Variants in LRRC7 observed in about 807,000 individuals in gnomAD.
The protein encoded by LRRC7 is leucine-rich repeat-containing protein 7.
In LRRC7, 23 loss-of-function variants were observed where a neutral mutation model predicts 175.7. The ratio of observed to expected loss-of-function variants is 0.13; its 90% CI spans 0.09 to 0.19. The LOEUF is 0.19. LRRC7 is among the 10% of genes least tolerant of loss of function. The probability of loss-of-function intolerance (pLI) is 1.00; values close to 1 mark genes in which losing one functional copy is unlikely to be tolerated. For missense variants in LRRC7, 1,354 were observed against 1,904.7 expected, an observed-to-expected ratio of 0.71 and a Z score of 5.38; for synonymous variants, 685 against 680.9, an observed-to-expected ratio of 1.01 and a Z score of -0.09.
At position 69,759,484 on chromosome 1, in the gene LRRC7, T is replaced by G. The variant is rs569826694; in HGVS notation, c.101-707T>G. On this transcript the variant is annotated intron_variant, in intron 2 of 26. Coordinates refer to ENST00000651989, the MANE Select transcript of LRRC7 (RefSeq NM_001370785.2). Reference sequence around the variant, plus strand: ...ATAGGAGAAAGATGTGTCAGGAGTGTCACAGGAATTTCTACCATAATTACA... The same window carrying G: ...ATAGGAGAAAGATGTGTCAGGAGTGGCACAGGAATTTCTACCATAATTACA... 2.0e-5 allele frequency among the ~76,000 whole-genome samples: 3 copies of G among 152,142 alleles called. No individual in the cohort carries two copies. The East Asian group carries it at 5.8e-4, about 29-fold the overall frequency.
chr1:69,937,136 T>C (rs1453019457), intron 8 of LRRC7, among the ~76,000 whole-genome samples: 1 of 152,180 alleles, frequency 6.6e-6, no homozygotes, highest in African/African-American at 2.4e-5. Flanking sequence ...CTGTGAATAA[T>C]CACAGTTTGT....
chr1:69,946,374 C>T (rs1016214709), intron 8 of LRRC7, among the ~76,000 whole-genome samples: 1 of 152,010 alleles, frequency 6.6e-6, no homozygotes, highest in Non-Finnish European at 1.5e-5. Context: ...ATTAAGCTGT[C>T]GTTGGGTGGA....
intron 8 of LRRC7, among the ~76,000 whole-genome samples, chr1:69,963,129 G>A (rs888716406): frequency 6.6e-6 from 1 of 151,548 alleles, no homozygotes; most frequent in African/African-American, 2.4e-5. Flanking sequence ...CCTGGTGAAA[G>A]CCTGTCTCTA....
intron 8 of LRRC7, among the ~76,000 whole-genome samples, chr1:69,964,270 GCCTTAACACACAGTTAAT>G (rs966354473): frequency 6.6e-6 from 1 of 152,112 alleles, no homozygotes; most frequent in African/African-American, 2.4e-5. Context: ...AACTTTAAAT[GCCTTAACACACAGTTAAT>G]CCTCAGTATC....
intron 11 of LRRC7, among the ~76,000 whole-genome samples, chr1:70,000,206 A>G (rs1655397047): frequency 6.6e-6 from 1 of 152,192 alleles, no homozygotes; most frequent in African/African-American, 2.4e-5. Flanking sequence ...GCCTGATGAT[A>G]GTGATAATAC....
intron 3 of LRRC7, among the ~76,000 whole-genome samples, chr1:69,783,854 A>G (rs892769492): frequency 1.3e-5 from 2 of 152,062 alleles, no homozygotes; most frequent in African/African-American, 4.8e-5. Flanking sequence ...AATAAATTTC[A>G]GATAGGTCCA....
rs560574410 is a variant in LRRC7, at chr1:70,095,328, T to A, written c.4545+5509T>A. 2.6e-5 allele frequency among the ~76,000 whole-genome samples: 4 copies of A among 152,318 alleles called. No homozygotes were observed. The South Asian group carries it at 8.3e-4, about 32-fold the overall frequency. On this transcript the variant is annotated intron_variant, in intron 25 of 26. Transcript: ENST00000651989. The stretch of plus-strand genomic sequence containing the variant: ...AAGTTCTTTTATAAACATAACTGAT[T>A]ACTTCAGCTGCATCTTAGTCATATT...
intron 7 of LRRC7, among the ~76,000 whole-genome samples, chr1:69,886,518 C>T (rs969603549): frequency 5.3e-5 from 8 of 151,976 alleles, no homozygotes; most frequent in African/African-American, 1.5e-4. Flanking sequence ...TGTCTCTGCA[C>T]GTGAGATGGG....
intron 21 of LRRC7, among the ~76,000 whole-genome samples, chr1:70,042,279 C>T (rs1016686835): frequency 1.1e-4 from 17 of 152,178 alleles, no homozygotes; most frequent in Admixed American, 6.5e-5. Context: ...TTATGTAAAA[C>T]CAGTTTCGAC....
intron 11 of LRRC7, among the ~76,000 whole-genome samples, chr1:69,997,261 CTT>C (rs1655074496): frequency 6.6e-6 from 1 of 152,176 alleles, no homozygotes; most frequent in South Asian, 2.1e-4. Context: ...TATCCTGAGA[CTT>C]TGCTGAAAGT....
intron 7 of LRRC7, chr1:69,873,347 C>T (rs1685742903): frequency 4.2e-6 from 2 of 477,904 alleles, no homozygotes; most frequent in Non-Finnish European, 8.8e-6. Flanking sequence ...TACAGAATTA[C>T]ATTAAAACAA....
At chr1:69,672,202 C>T (rs1298831740) in intron 1 of LRRC7, among the ~76,000 whole-genome samples, 3 of 152,008 alleles carry the variant, frequency 2.0e-5, no homozygotes, top group African/African-American at 4.8e-5. Context: ...TGGTGATGAT[C>T]GGTGGAGCCT....
At chr1:70,005,168 G>A (rs1655891566) in intron 11 of LRRC7, among the ~76,000 whole-genome samples, 2 of 151,860 alleles carry the variant, frequency 1.3e-5, no homozygotes, top group Admixed American at 6.6e-5. Flanking sequence ...CAATTTTATC[G>A]GTGAGAAAAC....
chr1:69,652,488 G>A (rs1655999805), intron 1 of LRRC7, among the ~76,000 whole-genome samples: 1 of 152,066 alleles, frequency 6.6e-6, no homozygotes. Context: ...AATAAATGAA[G>A]AGGCTCTTGT....
intron 23 of LRRC7, among the ~76,000 whole-genome samples, chr1:70,063,400 C>T (rs1433216247): frequency 1.3e-5 from 2 of 151,866 alleles, no homozygotes; most frequent in Non-Finnish European, 2.9e-5. Context: ...AAAAATGTTC[C>T]GGGTTGAATA....
At chr1:69,742,416 C>A (rs1553149618) in intron 2 of LRRC7, among the ~76,000 whole-genome samples, 2 of 151,680 alleles carry the variant, frequency 1.3e-5, no homozygotes, top group Admixed American at 1.3e-4. Flanking sequence ...ATTTTAGTGG[C>A]AAACATTTTA....
intron 2 of LRRC7, among the ~76,000 whole-genome samples, chr1:69,731,547 G>A (rs1279238833): frequency 6.6e-6 from 1 of 152,196 alleles, no homozygotes; most frequent in South Asian, 2.1e-4. Context: ...GATGCTAACA[G>A]GAAATAAACT....
At position 70,127,145 on chromosome 1, in the gene LRRC7, G is replaced by A. The variant is rs1036837033; in HGVS notation, c.*5258G>A. 6.6e-6 allele frequency among the ~76,000 whole-genome samples: 1 copy of A among 152,198 alleles called. No homozygotes were observed. Among genetic ancestry groups the A allele is most frequent in the African/African-American group, 2.4e-5 (1 of 41,454 alleles). The stretch of plus-strand genomic sequence containing the variant: ...TTACTGACAACAACAAACAAAGCCT[G>A]TGTGCAATGGTGGGGGTGGCAATGC... On this transcript the variant is annotated 3_prime_UTR_variant, in exon 27 of 27. Coordinates refer to ENST00000651989, the MANE Select transcript of LRRC7 (RefSeq NM_001370785.2).
chr1:69,979,091 A>G (rs943897885), intron 8 of LRRC7, among the ~76,000 whole-genome samples: 1 of 152,178 alleles, frequency 6.6e-6, no homozygotes, highest in Non-Finnish European at 1.5e-5. Flanking sequence ...GAGAAAAGCA[A>G]TAAGCAATAG....
Sources: gnomAD v4.1 joint callset for allele counts (sites outside exome capture counted in the v4.1 genomes callset) on GRCh38, gnomAD v4.1.1 for gene constraint, MANE v1.5 for transcripts, NCBI Gene and HGNC (gene_info 2026-07-23, HGNC 2026-07-21) for gene names.